The following FOXN3 variants were observed in gnomAD, a reference collection of about 807,000 sequenced individuals.
FOXN3 encodes forkhead box protein N3.
Under a neutral mutation model 38.4 loss-of-function variants are expected in FOXN3, and 7 were observed. That is an observed-to-expected ratio of 0.18 (90% CI 0.10 to 0.34). FOXN3 has a LOEUF of 0.34. Among genes scored for constraint, FOXN3 ranks in the 10% least tolerant of loss-of-function variants. FOXN3 has a pLI of 1.00. For synonymous variants in FOXN3, 230 were observed against 242.2 expected (o/e 0.95, Z 0.47); for missense variants, 456 against 613.4 (o/e 0.74, Z 2.71).
intron 5 of FOXN3, among the ~76,000 whole-genome samples, chr14:89,168,881 C>T (rs929393686): frequency 6.6e-6 from 1 of 152,084 alleles, no homozygotes. Flanking sequence ...GAAAACGTAT[C>T]GCCTAAAGTA....
At chr14:89,180,468 T>G (rs1013684278) in intron 5 of FOXN3, among the ~76,000 whole-genome samples, 2 of 152,152 alleles carry the variant, frequency 1.3e-5, no homozygotes, top group African/African-American at 2.4e-5. Flanking sequence ...TTAACTTGCC[T>G]CCATCTCCTC....
chr14:89,568,752 T>C (rs554284335), intron 1 of FOXN3, among the ~76,000 whole-genome samples: 16 of 152,328 alleles, frequency 1.1e-4, no homozygotes, highest in Middle Eastern at 3.4e-3. Context: ...AATGAGAAAT[T>C]CAGTATTTTT....
chr14:89,481,643 T>C (rs1893332796), intron 1 of FOXN3, among the ~76,000 whole-genome samples: 1 of 152,210 alleles, frequency 6.6e-6, no homozygotes, highest in South Asian at 2.1e-4. Context: ...ACTTGCTACC[T>C]GTGTGACTGA....
chr14:89,257,381 G>A (rs1209195927), intron 4 of FOXN3, among the ~76,000 whole-genome samples: 1 of 152,204 alleles, frequency 6.6e-6, no homozygotes, highest in East Asian at 1.9e-4. Flanking sequence ...AGAGTGTGAA[G>A]AAGTTCCTTC....
In FOXN3 at chr14:89,435,500, G is replaced by A. The variant is rs566546242; in HGVS notation, c.-14-23010C>T. ...ACTCACTGCCATCTTCCACACCCAC[G>A]TCATCTCCACGTCCATGGCGCTCCC... On this transcript the variant is annotated intron_variant, in intron 1 of 6. Transcript: ENST00000345097. Among the ~76,000 whole-genome samples the A allele has an allele frequency of 3.9e-5, 6 of 152,008 alleles. 1 individual carries two copies. The South Asian group carries it at 8.3e-4, about 21-fold the overall frequency.
Position 89,399,164 on chromosome 14 carries a change from G to A in FOXN3, c.543+12770C>T, listed in dbSNP as rs143390972. ...TGTTCTGACCAGGGCTGAACGCTTG[G>A]CCCAGGAAAAGGACAAGTCCTAGTA... On this transcript the variant is annotated intron_variant, in intron 2 of 5. Transcript: ENST00000557258. Among the ~76,000 whole-genome samples, 122 of 152,318 alleles carry A rather than the reference G, an allele frequency of 8.0e-4. No individual in the cohort carries two copies. In the South Asian group the frequency reaches 8.5e-3, roughly 11 times the overall value.
intron 1 of FOXN3, among the ~76,000 whole-genome samples, chr14:89,439,185 TC>T (rs1892329098): frequency 6.6e-6 from 1 of 152,098 alleles, no homozygotes; most frequent in Non-Finnish European, 1.5e-5. Context: ...ACAGACTAGC[TC>T]CTCTAGCTCT....
At chr14:89,324,791 G>A (rs1011526561) in intron 3 of FOXN3, among the ~76,000 whole-genome samples, 4 of 152,156 alleles carry the variant, frequency 2.6e-5, no homozygotes, top group Admixed American at 2.6e-4. Context: ...CTGCCTGGAA[G>A]TCTCTGGAAA....
At chr14:89,401,399 G>A (rs57894930) in intron 2 of FOXN3, among the ~76,000 whole-genome samples, 8,999 of 152,204 alleles carry the variant, frequency 0.059, 558 homozygotes, top group African/African-American at 0.15. Flanking sequence ...CTGAGATGGC[G>A]CCATTGGCAC....
intron 1 of FOXN3, among the ~76,000 whole-genome samples, chr14:89,428,597 G>T (rs1892092489): frequency 6.6e-6 from 1 of 152,216 alleles, no homozygotes; most frequent in African/African-American, 2.4e-5. Context: ...AGTTGGCATT[G>T]CTTCCAGAGA....
chr14:89,557,988 AG>A (rs1214359419), intron 1 of FOXN3, among the ~76,000 whole-genome samples: 2 of 152,230 alleles, frequency 1.3e-5, no homozygotes, highest in Non-Finnish European at 2.9e-5. Context: ...CCTAGGCGAC[AG>A]GGCAAGATTC....
At chr14:89,454,259 G>A (rs897316036) in intron 1 of FOXN3, among the ~76,000 whole-genome samples, 1 of 152,092 alleles carries the variant, frequency 6.6e-6, no homozygotes, top group Non-Finnish European at 1.5e-5. Flanking sequence ...AGCCGAGATT[G>A]CACCACTGTA....
intron 1 of FOXN3, among the ~76,000 whole-genome samples, chr14:89,472,383 T>C (rs1239047612): frequency 1.3e-5 from 2 of 152,078 alleles, no homozygotes; most frequent in Non-Finnish European, 2.9e-5. Flanking sequence ...GAAGTGACCT[T>C]CTTCTTCCAA....
At chr14:89,258,187 G>T (rs1885685248) in intron 4 of FOXN3, among the ~76,000 whole-genome samples, 1 of 152,170 alleles carries the variant, frequency 6.6e-6, no homozygotes, top group South Asian at 2.1e-4. Flanking sequence ...TCTGTAGGGG[G>T]CTGAGGAGGA....
rs573536300 is a variant in FOXN3, at chr14:89,446,003, G to A, written c.-14-33513C>T. Among the ~76,000 whole-genome samples the A allele has an allele frequency of 2.1e-5, 3 of 145,674 alleles. No homozygotes were observed. The South Asian group carries it at 6.6e-4, about 32-fold the overall frequency. The stretch of plus-strand genomic sequence containing the variant: ...TGTAGTCCTAGCTACTTGGAAGGCT[G>A]AGGTGGGAGGATCACTTGAGCTTGC... On this transcript the variant is annotated intron_variant, in intron 1 of 6. Coordinates refer to the FOXN3 transcript ENST00000345097.
In FOXN3 at chr14:89,168,880, T is replaced by A. The variant is rs559148262; in HGVS notation, c.852-5911A>T. 2.6e-5 allele frequency among the ~76,000 whole-genome samples: 4 copies of A among 152,280 alleles called. No homozygotes were observed. In the East Asian group the frequency reaches 7.7e-4, roughly 29 times the overall value. ...TTTAAAGTAGTAGAAAGAAAACGTA[T>A]CGCCTAAAGTACTAATTAAGATAAA... On this transcript the variant is annotated intron_variant, in intron 5 of 5. Transcript: ENST00000557258.
At chr14:89,245,394 T>C (rs1446027448) in intron 4 of FOXN3, among the ~76,000 whole-genome samples, 2 of 152,170 alleles carry the variant, frequency 1.3e-5, no homozygotes, top group East Asian at 1.9e-4. Flanking sequence ...AATGTTTCTT[T>C]GTTTGAAAAT....
At chr14:89,344,875 C>T (rs545088945) in intron 3 of FOXN3, among the ~76,000 whole-genome samples, 4 of 152,168 alleles carry the variant, frequency 2.6e-5, no homozygotes, top group South Asian at 2.1e-4. Context: ...TGAGAAATGA[C>T]GTATCTAGGA....
chr14:89,486,020 C>G (rs1432012141), intron 1 of FOXN3, among the ~76,000 whole-genome samples: 2 of 152,184 alleles, frequency 1.3e-5, no homozygotes, highest in Non-Finnish European at 2.9e-5. Context: ...ACCGCTAGCT[C>G]ATAGCCCTGG....
Sources: allele counts gnomAD v4.1 joint callset (sites outside exome capture counted in the v4.1 genomes callset), GRCh38; gene constraint gnomAD v4.1.1; transcripts MANE v1.5; gene names NCBI Gene and HGNC (gene_info 2026-07-23, HGNC 2026-07-21).